RGS6: variants seen among roughly 807,000 people sequenced by gnomAD.
RGS6 encodes the protein regulator of G protein signaling 6.
Under a neutral mutation model 78.5 loss-of-function variants are expected in RGS6, and 30 were observed. The ratio of observed to expected loss-of-function variants is 0.38; its 90% CI spans 0.29 to 0.52. RGS6 has a LOEUF of 0.52. RGS6 is among the 20% of genes least tolerant of loss of function. The probability of loss-of-function intolerance (pLI) is 0.85; values close to 1 mark genes in which losing one functional copy is unlikely to be tolerated. For missense variants in RGS6, 495 were observed against 609.7 expected (o/e 0.81, Z 1.98); for synonymous variants, 206 against 206.0 (o/e 1.00, Z 0.00).
chr14:72,297,059 A>G (rs918390467), intron 2 of RGS6, among the ~76,000 whole-genome samples: 4 of 151,966 alleles, frequency 2.6e-5, no homozygotes, highest in South Asian at 2.1e-4. Context: ...AATTGCTTTG[A>G]TATCTTTGTT....
At chr14:72,158,040 C>A (rs1260510533) in intron 2 of RGS6, among the ~76,000 whole-genome samples, 3 of 151,988 alleles carry the variant, frequency 2.0e-5, no homozygotes. Context: ...CCTGGTGCCC[C>A]AAGGATACCA....
intron 2 of RGS6, among the ~76,000 whole-genome samples, chr14:72,259,479 C>T (rs760076387): frequency 2.0e-5 from 3 of 152,048 alleles, no homozygotes; most frequent in Non-Finnish European, 4.4e-5. Flanking sequence ...CTTCATAAGG[C>T]TGAGAATCCC....
At chr14:72,357,866 G>C (rs532636202) in intron 3 of RGS6, among the ~76,000 whole-genome samples, 1 of 152,176 alleles carries the variant, frequency 6.6e-6, no homozygotes, top group African/African-American at 2.4e-5. Context: ...TGTCTCCAGG[G>C]CATGTCACAG....
the RGS6 span, among the ~76,000 whole-genome samples, chr14:71,870,411 G>A: frequency 2.5e-4 from 38 of 152,104 alleles, no homozygotes; most frequent in Non-Finnish European, 5.3e-4. Flanking sequence ...AGGTGAAGAG[G>A]TTGTGTTTTG....
intron 2 of RGS6, among the ~76,000 whole-genome samples, chr14:72,289,380 G>A (rs756002710): frequency 1.3e-4 from 20 of 149,936 alleles, no homozygotes; most frequent in South Asian, 8.4e-4. Context: ...TTTTCCTGTG[G>A]TATTGAAAGC....
chr14:72,022,209 T>C (rs569822169), intron 2 of RGS6, among the ~76,000 whole-genome samples: 1 of 152,172 alleles, frequency 6.6e-6, no homozygotes, highest in Non-Finnish European at 1.5e-5. Context: ...ACCATGTCTT[T>C]GCTATTGTGA....
At chr14:72,179,681 A>G (rs1024072024) in intron 2 of RGS6, among the ~76,000 whole-genome samples, 19 of 117,226 alleles carry the variant, frequency 1.6e-4, no homozygotes, top group African/African-American at 5.9e-4. Context: ...TGTTAACTTC[A>G]TATTTGAAGG....
the RGS6 span, among the ~76,000 whole-genome samples, chr14:71,918,064 C>G: frequency 2.0e-5 from 3 of 151,500 alleles, no homozygotes; most frequent in Non-Finnish European, 2.9e-5. Flanking sequence ...GCCTGTAGTC[C>G]CAGCTACTCG....
chr14:71,889,456 G>A, the RGS6 span, among the ~76,000 whole-genome samples: 155 of 152,202 alleles, frequency 1.0e-3, 1 homozygote, highest in African/African-American at 3.4e-3. Flanking sequence ...GAGAGTCAGC[G>A]AAGGGGGATT....
rs1391953572 is a variant in RGS6 at position 72,331,676 on chromosome 14, T to C, written c.85-20419T>C. 2.0e-5 allele frequency among the ~76,000 whole-genome samples: 3 copies of C among 152,184 alleles called. No homozygotes were observed. In the East Asian group the frequency reaches 5.8e-4, roughly 29 times the overall value. The stretch of plus-strand genomic sequence containing the variant: ...CTCTCTCCCCCTCTTTTTCTCTGAC[T>C]GCCTCCAGGCACTTTCTTTAGCACA... On this transcript the variant is annotated intron_variant, in intron 2 of 17. Coordinates refer to ENST00000553525, the MANE Select transcript of RGS6 (RefSeq NM_001204424.2).
intron 2 of RGS6, among the ~76,000 whole-genome samples, chr14:72,335,186 C>A (rs895336706): frequency 6.6e-6 from 1 of 152,178 alleles, no homozygotes; most frequent in South Asian, 2.1e-4. Flanking sequence ...AATTAAACCT[C>A]TTTCTTTTGT....
chr14:72,000,977 C>G (rs2083314583), intron 2 of RGS6, among the ~76,000 whole-genome samples: 1 of 152,170 alleles, frequency 6.6e-6, no homozygotes, highest in African/African-American at 2.4e-5. Context: ...CCTGATTTCT[C>G]CCCAAGACTT....
chr14:72,191,217 T>C, intron 2 of RGS6, among the ~76,000 whole-genome samples: 1 of 152,316 alleles, frequency 6.6e-6, no homozygotes, highest in African/African-American at 2.4e-5. Context: ...AAAAAGTCAG[T>C]AGTCAAGATA....
intron 2 of RGS6, among the ~76,000 whole-genome samples, chr14:72,140,330 G>C (rs1467191789): frequency 6.6e-6 from 1 of 152,164 alleles, no homozygotes; most frequent in Admixed American, 6.5e-5. Context: ...TTTGAAAAAT[G>C]CTTTATAATC....
At chr14:71,869,776 G>A in the RGS6 span, among the ~76,000 whole-genome samples, 8 of 152,124 alleles carry the variant, frequency 5.3e-5, no homozygotes, top group Admixed American at 2.6e-4. Flanking sequence ...TTGAATTGCC[G>A]TTGTGACATT....
intron 3 of RGS6, among the ~76,000 whole-genome samples, chr14:72,396,691 GT>G: frequency 6.6e-6 from 1 of 152,296 alleles, no homozygotes; most frequent in South Asian, 2.1e-4. Context: ...TAACATGTAA[GT>G]CTTTAATCCA....
At chr14:72,548,695 G>A (rs2097449685) in intron 17 of RGS6, among the ~76,000 whole-genome samples, 1 of 152,156 alleles carries the variant, frequency 6.6e-6, no homozygotes, top group Admixed American at 6.6e-5. Context: ...GGAAGAGGCT[G>A]GAGTAAAAAT....
intron 2 of RGS6, among the ~76,000 whole-genome samples, chr14:72,248,475 A>G (rs1421736191): frequency 1.3e-5 from 2 of 152,170 alleles, no homozygotes; most frequent in Non-Finnish European, 2.9e-5. Flanking sequence ...TTCAGTTTTA[A>G]TTTTGTATAC....
At chr14:72,007,662 A>C (rs1016866657) in intron 2 of RGS6, among the ~76,000 whole-genome samples, 4 of 152,148 alleles carry the variant, frequency 2.6e-5, no homozygotes, top group African/African-American at 9.7e-5. Context: ...GGGAAGCCAA[A>C]AGATTAGACA....
Sources: gnomAD v4.1 joint callset for allele counts (sites outside exome capture counted in the v4.1 genomes callset) on GRCh38, gnomAD v4.1.1 for gene constraint, MANE v1.5 for transcripts, NCBI Gene and HGNC (gene_info 2026-07-23, HGNC 2026-07-21) for gene names.